NRXN1: variants seen among roughly 807,000 people sequenced by gnomAD.
NRXN1 encodes the protein neurexin 1.
Under a neutral mutation model 150.9 loss-of-function variants are expected in NRXN1, and 39 were observed. The ratio of observed to expected loss-of-function variants is 0.26; its 90% CI spans 0.20 to 0.34. The LOEUF is 0.34. Among genes scored for constraint, NRXN1 ranks in the 10% least tolerant of loss-of-function variants. The pLI is 1.00. For missense variants in NRXN1, 1,815 were observed against 1,949.9 expected, an observed-to-expected ratio of 0.93 and a Z score of 1.30; for synonymous variants, 924 against 757.0, an observed-to-expected ratio of 1.22 and a Z score of -3.62.
At chr2:50,426,632 G>A (rs184606161) in intron 17 of NRXN1, among the ~76,000 whole-genome samples, 1 of 152,198 alleles carries the variant, frequency 6.6e-6, no homozygotes, top group Non-Finnish European at 1.5e-5. Context: ...TTCTTTAGAG[G>A]TCAGTCTTGT....
At chr2:50,788,000 T>C (rs951254235) in intron 5 of NRXN1, among the ~76,000 whole-genome samples, 14 of 152,070 alleles carry the variant, frequency 9.2e-5, no homozygotes, top group African/African-American at 3.4e-4. Context: ...GAGATAAATA[T>C]CCCAAAATAT....
intron 18 of NRXN1, among the ~76,000 whole-genome samples, chr2:50,093,745 C>T (rs902624211): frequency 6.6e-6 from 1 of 152,158 alleles, no homozygotes; most frequent in African/African-American, 2.4e-5. Context: ...CTCTGGTATT[C>T]TTCATAACAG....
chr2:50,515,438 T>C (rs1225155315), intron 12 of NRXN1, among the ~76,000 whole-genome samples: 1 of 152,112 alleles, frequency 6.6e-6, no homozygotes, highest in Non-Finnish European at 1.5e-5. Context: ...TGTGGTAAAA[T>C]TGTCTTCCAT....
At chr2:50,196,929 G>T (rs1244257918) in intron 18 of NRXN1, among the ~76,000 whole-genome samples, 1 of 152,086 alleles carries the variant, frequency 6.6e-6, no homozygotes, top group Non-Finnish European at 1.5e-5. Context: ...TGGGAGGAAG[G>T]AGTGGAGAAA....
intron 18 of NRXN1, among the ~76,000 whole-genome samples, chr2:50,140,926 A>G (rs1035152223): frequency 1.3e-5 from 2 of 152,008 alleles, no homozygotes; most frequent in African/African-American, 2.4e-5. Context: ...ATATAAAACA[A>G]CTACAAAAAA....
Position 50,355,762 on chromosome 2 carries a change from G to C in NRXN1, c.3364+109680C>G, listed in dbSNP as rs145186270. On this transcript the variant is annotated intron_variant, in intron 17 of 22. Coordinates refer to ENST00000401669, the MANE Select transcript of NRXN1 (RefSeq NM_001330078.2). ...TTACAAATACCTAAAAAAAGAGTGAGGATATGTAACAGTGTATTCACATTA... is the reference window on the plus strand; with the variant it reads ...TTACAAATACCTAAAAAAAGAGTGACGATATGTAACAGTGTATTCACATTA... Among the ~76,000 whole-genome samples, 14 of 152,190 alleles carry C rather than the reference G, an allele frequency of 9.2e-5. No individual in the cohort carries two copies. In the East Asian group the frequency reaches 2.5e-3, roughly 27 times the overall value.
intron 5 of NRXN1, among the ~76,000 whole-genome samples, chr2:50,890,806 C>T (rs535984163): frequency 3.0e-4 from 46 of 151,930 alleles, no homozygotes; most frequent in Middle Eastern, 3.4e-3. Context: ...ACTGAGATAA[C>T]GACTGTAGTG....
At chr2:50,522,253 G>C (rs1171205386) in intron 12 of NRXN1, among the ~76,000 whole-genome samples, 3 of 152,150 alleles carry the variant, frequency 2.0e-5, no homozygotes, top group Non-Finnish European at 4.4e-5. Context: ...ACTAATAAGA[G>C]AATATCAAGT....
At chr2:50,114,646 T>C (rs940837238) in intron 18 of NRXN1, among the ~76,000 whole-genome samples, 6 of 151,644 alleles carry the variant, frequency 4.0e-5, no homozygotes, top group African/African-American at 1.2e-4. Context: ...TAAACTGTGG[T>C]ACATCCAAGC....
intron 5 of NRXN1, among the ~76,000 whole-genome samples, chr2:50,625,668 ATG>A (rs1680891302): frequency 6.6e-6 from 1 of 152,118 alleles, no homozygotes; most frequent in South Asian, 2.1e-4. Flanking sequence ...TGAGAGGAAA[ATG>A]TGGGTCAAAA....
intron 8 of NRXN1, among the ~76,000 whole-genome samples, chr2:50,577,194 T>C (rs2105497960): frequency 6.6e-6 from 1 of 152,292 alleles, no homozygotes; most frequent in Non-Finnish European, 1.5e-5. Context: ...GAGACAACTC[T>C]GAAACTATTA....
intron 8 of NRXN1, among the ~76,000 whole-genome samples, chr2:50,576,763 C>A (rs956409187): frequency 6.6e-6 from 1 of 152,168 alleles, no homozygotes; most frequent in Admixed American, 6.5e-5. Context: ...TTTTTTAAAG[C>A]ATTGTCAATT....
At chr2:50,110,532 A>G (rs1035946180) in intron 18 of NRXN1, among the ~76,000 whole-genome samples, 4 of 151,668 alleles carry the variant, frequency 2.6e-5, no homozygotes, top group African/African-American at 7.3e-5. Flanking sequence ...AATGTTGAGA[A>G]AGCAAAGCAT....
Position 50,885,570 on chromosome 2 carries a change from C to G in NRXN1, c.832+36299G>C, listed in dbSNP as rs1347773547. Among the ~76,000 whole-genome samples, 4 of 151,180 alleles carry G rather than the reference C, an allele frequency of 2.6e-5. No individual in the cohort carries two copies. The South Asian group carries it at 8.3e-4, about 31-fold the overall frequency. ...GAAATTTTCTTGGTCTCAAAGCACA[C>G]AAAACTCTGACACAACTGAATGAAA... On this transcript the variant is annotated intron_variant, in intron 5 of 22. Transcript: ENST00000401669.
In NRXN1 at chr2:50,382,095, G is replaced by C. The variant is rs577772825; in HGVS notation, c.3364+83347C>G. ...TCTCCGACCAGAACTAGGAGAACTA[G>C]TTTAAAAGGAAGTTGTAAGAAAGAC... On this transcript the variant is annotated intron_variant, in intron 17 of 22. Coordinates refer to ENST00000401669, the MANE Select transcript of NRXN1 (RefSeq NM_001330078.2). 1.9e-4 allele frequency among the ~76,000 whole-genome samples: 29 copies of C among 149,260 alleles called. 1 individual carries two copies. Among genetic ancestry groups the C allele is most frequent in the African/African-American group, 5.8e-4 (24 of 41,376 alleles).
intron 17 of NRXN1, chr2:50,464,300 G>A (rs1212630487): frequency 6.6e-6 from 1 of 151,698 alleles, no homozygotes; most frequent in East Asian, 1.9e-4. Flanking sequence ...TTCCACATAT[G>A]TTTTAACTCT....
At chr2:50,673,950 G>T (rs1400581403) in intron 5 of NRXN1, among the ~76,000 whole-genome samples, 1 of 152,042 alleles carries the variant, frequency 6.6e-6, no homozygotes, top group African/African-American at 2.4e-5. Flanking sequence ...GCCTGTCAGG[G>T]GGTGGGGTGC....
At chr2:50,293,795 C>T (rs2073240457) in intron 17 of NRXN1, among the ~76,000 whole-genome samples, 1 of 152,112 alleles carries the variant, frequency 6.6e-6, no homozygotes, top group Non-Finnish European at 1.5e-5. Context: ...CTTGCGAGTT[C>T]AATGAATTTG....
rs550271356 is a variant in NRXN1, at chr2:50,570,306, T to A, written c.1321-17281A>T. 2.0e-5 allele frequency among the ~76,000 whole-genome samples: 3 copies of A among 152,252 alleles called. No individual in the cohort carries two copies. In the South Asian group the frequency reaches 6.2e-4, roughly 32 times the overall value. Reference sequence around the variant, plus strand: ...ACAGAGAAATCCAGTGGAAGTAAAGTATACGAGGCCTTTATGCTACACAAA... The same window carrying A: ...ACAGAGAAATCCAGTGGAAGTAAAGAATACGAGGCCTTTATGCTACACAAA... On this transcript the variant is annotated intron_variant, in intron 8 of 22. Coordinates refer to ENST00000401669, the MANE Select transcript of NRXN1 (RefSeq NM_001330078.2).
Sources: allele counts gnomAD v4.1 joint callset (sites outside exome capture counted in the v4.1 genomes callset), GRCh38; gene constraint gnomAD v4.1.1; transcripts MANE v1.5; gene names NCBI Gene and HGNC (gene_info 2026-07-23, HGNC 2026-07-21).